NLGN4X: variants seen among roughly 807,000 people sequenced by gnomAD.
The protein encoded by NLGN4X is neuroligin-4, X-linked.
In NLGN4X, 3 loss-of-function variants were observed where a neutral mutation model predicts 40.3. The observed-to-expected ratio is 0.07, with a 90% CI of 0.03 to 0.19. NLGN4X has a LOEUF of 0.19. Ranked by LOEUF, NLGN4X falls within the 10% of genes least tolerant of loss-of-function variation. NLGN4X has a pLI of 1.00. For synonymous variants in NLGN4X, 270 were observed against 306.8 expected, an observed-to-expected ratio of 0.88 and a Z score of 1.25; for missense variants, 382 against 708.3, an observed-to-expected ratio of 0.54 and a Z score of 5.23.
At chrX:6,050,287 A>T (rs1250105100) in intron 2 of NLGN4X, among the ~76,000 whole-genome samples, 1 of 111,861 alleles carries the variant, frequency 8.9e-6, no homozygotes, top group Non-Finnish European at 1.9e-5. Context: ...ATAGAGATGG[A>T]TTGATACATA....
chrX:6,119,708 G>A (rs1457781127), intron 2 of NLGN4X, among the ~76,000 whole-genome samples: 1 of 111,214 alleles, frequency 9.0e-6, no homozygotes, highest in African/African-American at 3.3e-5. Context: ...AAAAGATGGT[G>A]TGAATGTAAG....
rs1322803314 is a variant in NLGN4X at position 6,032,568 on chromosome X, C to A, written c.473-3136G>T. ...TACAAGAAGAAAATAATTAAGGAAG[C>A]ACACCAAAGTGTACTAGTTTTAAAT... is the stretch of plus-strand genomic sequence containing the variant. On this transcript the variant is annotated intron_variant, in intron 2 of 5. Transcript: ENST00000381095. 2.2e-5 allele frequency: 8 copies of A among 367,083 alleles called. No individual in the cohort carries two copies. In the East Asian group the frequency reaches 3.6e-4, roughly 17 times the overall value. The allele number at this position is 367,083 out of a possible 1,213,427, so 30.3% of individuals were successfully genotyped here.
chrX:5,916,333 TTGTC>T (rs1259505933), intron 3 of NLGN4X, among the ~76,000 whole-genome samples: 2 of 112,405 alleles, frequency 1.8e-5, no homozygotes, highest in East Asian at 2.8e-4. Flanking sequence ...GAGATGCTGT[TTGTC>T]TGCATAAAGT....
chrX:6,213,459 C>A (rs5916333), intron 1 of NLGN4X, among the ~76,000 whole-genome samples: 1 of 110,547 alleles, frequency 9.0e-6, no homozygotes, highest in Admixed American at 9.6e-5. Flanking sequence ...CCAGTGAAAT[C>A]CAAACAAATT....
At chrX:5,908,312 G>A (rs1476630908) in intron 4 of NLGN4X, among the ~76,000 whole-genome samples, 2 of 110,575 alleles carry the variant, frequency 1.8e-5, no homozygotes, top group African/African-American at 3.3e-5. Context: ...TGCACCAGAC[G>A]TGTTTCAATA....
At chrX:5,978,272 TTTTCTTTCTTTCTTTCTTTC>T (rs780650966) in intron 3 of NLGN4X, among the ~76,000 whole-genome samples, 826 of 20,301 alleles carry the variant, frequency 0.041, 20 homozygotes, top group African/African-American at 0.09. Context: ...GCGTCTCTTT[TTTTCTTTCTTTCTTTCTTTC>T]TTTCTTTCTT....
rs925243711 is a variant in NLGN4X, at chrX:6,214,187, C to T, written c.-306+14354G>A. Among the ~76,000 whole-genome samples, 5 of 111,810 alleles carry T rather than the reference C, an allele frequency of 4.5e-5. No individual in the cohort carries two copies. The East Asian group carries it at 1.1e-3, about 25-fold the overall frequency. Reference sequence around the variant, plus strand: ...TGTCAGGAGTGGAGTGGGCTTTTGTCGTTGACGCACAACACAGCGGGTTCT... The same window carrying T: ...TGTCAGGAGTGGAGTGGGCTTTTGTTGTTGACGCACAACACAGCGGGTTCT... On this transcript the variant is annotated intron_variant, in intron 1 of 5. Transcript: ENST00000381095.
intron 2 of NLGN4X, among the ~76,000 whole-genome samples, chrX:6,109,774 T>A (rs1302552084): frequency 8.9e-6 from 1 of 111,962 alleles, no homozygotes; most frequent in East Asian, 2.8e-4. Flanking sequence ...AACATAAATG[T>A]AGAATGTGCA....
At chrX:6,129,055 T>C (rs1036072169) in intron 2 of NLGN4X, among the ~76,000 whole-genome samples, 1 of 111,493 alleles carries the variant, frequency 9.0e-6, no homozygotes, top group African/African-American at 3.3e-5. Flanking sequence ...AGTGGGCATT[T>C]CACCCCATCC....
At chrX:5,983,391 T>C (rs2035445323) in intron 3 of NLGN4X, among the ~76,000 whole-genome samples, 1 of 112,226 alleles carries the variant, frequency 8.9e-6, no homozygotes, top group African/African-American at 3.2e-5. Context: ...TGAAAATATA[T>C]ACATGATAAC....
At chrX:6,216,972 C>T (rs1925142995) in intron 1 of NLGN4X, among the ~76,000 whole-genome samples, 1 of 111,501 alleles carries the variant, frequency 9.0e-6, no homozygotes, top group South Asian at 3.8e-4. Context: ...AAATTTTTTT[C>T]GTATGGATGG....
chrX:5,926,789 T>TACACACACACAC (rs3072083), intron 3 of NLGN4X, among the ~76,000 whole-genome samples: 111 of 93,053 alleles, frequency 1.2e-3, no homozygotes, highest in African/African-American at 4.2e-3. Flanking sequence ...CTAGAGAGCA[T>TACACACACACAC]ACACACACAC....
At chrX:6,145,246 C>T (rs140150009) in intron 2 of NLGN4X, among the ~76,000 whole-genome samples, 1,433 of 111,569 alleles carry the variant, frequency 0.013, 25 homozygotes, top group African/African-American at 0.044. Flanking sequence ...AATTATGGAA[C>T]TTTGTCCCTC....
intron 2 of NLGN4X, among the ~76,000 whole-genome samples, chrX:6,066,829 T>C (rs756261383): frequency 6.3e-5 from 7 of 111,841 alleles, no homozygotes; most frequent in Non-Finnish European, 1.3e-4. Context: ...GCAAAAGGGC[T>C]GGTCACAGTG....
At chrX:5,985,891 T>C (rs1290194575) in intron 3 of NLGN4X, among the ~76,000 whole-genome samples, 7 of 111,669 alleles carry the variant, frequency 6.3e-5, no homozygotes, top group Admixed American at 3.8e-4. Flanking sequence ...ACCACAGACT[T>C]ACAGAGGATC....
intron 1 of NLGN4X, among the ~76,000 whole-genome samples, chrX:6,208,400 C>T (rs1056213035): frequency 8.9e-6 from 1 of 112,205 alleles, no homozygotes; most frequent in African/African-American, 3.2e-5. Context: ...TTTCGGATAA[C>T]GTGCGTTATA....
intron 1 of NLGN4X, among the ~76,000 whole-genome samples, chrX:6,215,236 G>T (rs909105435): frequency 2.7e-5 from 3 of 111,917 alleles, no homozygotes; most frequent in Non-Finnish European, 3.8e-5. Context: ...TTTCATTGCA[G>T]GGATAGTGTT....
rs910475250 is a variant in NLGN4X at position 5,890,094 on chromosome X, C to T, written c.*2723G>A. ...TAAAAATGCTGCTGAAAAGTTTATA[C>T]ATATGTGTCCGGCCATATATATCTT... On this transcript the variant is annotated 3_prime_UTR_variant, in exon 6 of 6. Transcript: ENST00000381095. The T allele has an allele frequency of 5.3e-5, 12 of 226,415 alleles. No homozygotes were observed. Among genetic ancestry groups the T allele is most frequent in the Non-Finnish European group, 6.4e-5 (8 of 125,187 alleles). The allele number at this position is 226,415 out of a possible 1,213,427, so 18.7% of individuals were successfully genotyped here. A position where few individuals can be genotyped will look rare whatever the true frequency, so the allele number is the denominator to read the frequency against.
At chrX:6,225,064 T>C (rs1302542942) in intron 1 of NLGN4X, among the ~76,000 whole-genome samples, 1 of 96,666 alleles carries the variant, frequency 1.0e-5, no homozygotes, top group Non-Finnish European at 2.1e-5. Flanking sequence ...TGTATGTCTG[T>C]ATACACACAT....
Sources: gnomAD v4.1 joint callset for allele counts (sites outside exome capture counted in the v4.1 genomes callset) on GRCh38, gnomAD v4.1.1 for gene constraint, MANE v1.5 for transcripts, NCBI Gene and HGNC (gene_info 2026-07-23, HGNC 2026-07-21) for gene names.